The following CRYGN variants were observed in gnomAD, a reference collection of about 807,000 sequenced individuals.
CRYGN encodes crystallin gamma N.
CRYGN carries 17 observed loss-of-function variants against 19.2 expected under a neutral mutation model. The ratio of observed to expected loss-of-function variants is 0.89; its 90% CI spans 0.61 to 1.33. The LOEUF is 1.33. Among genes scored for constraint, CRYGN ranks in the 40% most tolerant of loss-of-function variants. The pLI, the probability that CRYGN is intolerant of heterozygous loss-of-function variation, is 0.00. For missense variants in CRYGN, 239 were observed against 239.6 expected, an observed-to-expected ratio of 1.00 and a Z score of 0.02; for synonymous variants, 84 against 85.8, an observed-to-expected ratio of 0.98 and a Z score of 0.12.
At position 151,433,305 on chromosome 7, in the gene CRYGN, G is replaced by A. The variant is rs539856670; in HGVS notation, c.416+2875C>T. Reference sequence around the variant, plus strand: ...GAAGGTGCGGTGGGGAGGGAACGGGGGACCAGGAGGAAGGGACTGGAGGTC... The same window carrying A: ...GAAGGTGCGGTGGGGAGGGAACGGGAGACCAGGAGGAAGGGACTGGAGGTC... On this transcript the variant is annotated intron_variant, in intron 3 of 3. Transcript: ENST00000337323. This position sits in a 1 kb window ranked among gnomAD's most constrained non-coding sequence, Gnocchi z 5.1. Among the ~76,000 whole-genome samples the A allele has an allele frequency of 1.1e-4, 17 of 152,352 alleles. No homozygotes were observed. In the South Asian group the frequency reaches 3.3e-3, roughly 30 times the overall value.
rs568979588 is a variant in CRYGN, at chr7:151,435,709, C to T, written c.416+471G>A. Reference sequence around the variant, plus strand: ...AGGGGTCAGCTCTGCGGGGTAGGCGCGGGGGCAGGGTGGGCTGGTCCACCC... The same window carrying T: ...AGGGGTCAGCTCTGCGGGGTAGGCGTGGGGGCAGGGTGGGCTGGTCCACCC... On this transcript the variant is annotated intron_variant, in intron 3 of 3. Transcript: ENST00000337323. The surrounding 1 kb of genome is among the most constrained non-coding windows in gnomAD (Gnocchi z 4.2). Among the ~76,000 whole-genome samples, 4 of 138,654 alleles carry T rather than the reference C, an allele frequency of 2.9e-5. No individual in the cohort carries two copies. The highest frequency in any genetic ancestry group is 5.3e-5 in the African/African-American group (2 of 37,894). 91.0% of individuals were successfully genotyped at this position (138,654 alleles called of 152,430 possible).
At position 151,440,134 on chromosome 7, in the gene CRYGN, C is replaced by T. The variant is rs1335448404; in HGVS notation, c.-217G>A. 1.5e-6 allele frequency: 2 copies of T among 1,328,320 alleles called. No individual in the cohort carries two copies. The highest frequency in any genetic ancestry group is 3.1e-5 in the East Asian group (1 of 32,540). The allele number at this position is 1,328,320 out of a possible 1,614,324, so 82.3% of individuals were successfully genotyped here. On this transcript the variant is annotated 5_prime_UTR_variant, in exon 1 of 4. Coordinates refer to ENST00000337323, the MANE Select transcript of CRYGN (RefSeq NM_144727.3). ...CCTGCCCGGGGTCTCCCTGTGCTCTCCGCGTTTAGCTCCCGAGCCTCCTTC... is the reference window on the plus strand; with the variant it reads ...CCTGCCCGGGGTCTCCCTGTGCTCTTCGCGTTTAGCTCCCGAGCCTCCTTC...
chr7:151,434,375 C>G (rs1390339428), intron 3 of CRYGN, among the ~76,000 whole-genome samples: 4 of 152,172 alleles, frequency 2.6e-5, no homozygotes, highest in Non-Finnish European at 5.9e-5. Flanking sequence ...ATGACTTGGG[C>G]CTTACAAGAC....
chr7:151,431,008 T>C lies in CRYGN; in HGVS notation c.417-828A>G, dbSNP rs1292064578. ...ACAGGCCATGTGGACATCTTTGGGGTCTCCATGTCCAGGAGCCCCCATGCT... is the reference window on the plus strand; with the variant it reads ...ACAGGCCATGTGGACATCTTTGGGGCCTCCATGTCCAGGAGCCCCCATGCT... On this transcript the variant is annotated intron_variant, in intron 3 of 3. Coordinates refer to ENST00000337323, the MANE Select transcript of CRYGN (RefSeq NM_144727.3). This position sits in a 1 kb window ranked among gnomAD's most constrained non-coding sequence, Gnocchi z 4.8. Among the ~76,000 whole-genome samples, 1 of 152,056 alleles carries C rather than the reference T, an allele frequency of 6.6e-6. No homozygotes were observed. The highest frequency in any genetic ancestry group is 1.5e-5 in the Non-Finnish European group (1 of 68,006).
chr7:151,436,309 C>T lies in CRYGN; in HGVS notation c.287G>A (p.Arg96His), dbSNP rs540427919. The T allele has an allele frequency of 1.6e-5, 25 of 1,578,670 alleles. No homozygotes were observed. Among genetic ancestry groups the T allele is most frequent in the South Asian group, 9.4e-5 (8 of 85,388 alleles). The change falls in exon 3 of 4, where the codon CGC (arginine) becomes CAC (histidine). Residue 96 changes from arginine to histidine, a missense_variant. Arg to His is a conservative substitution (Grantham distance 29). Coordinates refer to ENST00000337323, the MANE Select transcript of CRYGN (RefSeq NM_144727.3). The surrounding 1 kb of genome is among the most constrained non-coding windows in gnomAD (Gnocchi z 5.1). ...GTTGCAACCCTCGAAGATTTCTAGGCGGAAATGTTCTCCGTGCTCCAAGAC... is the reference window on the plus strand; with the variant it reads ...GTTGCAACCCTCGAAGATTTCTAGGTGGAAATGTTCTCCGTGCTCCAAGAC... The part of the protein sequence containing the change: ...RPVGMHGEHF[R>H]LEIFEGCNFT...
At position 151,430,012 on chromosome 7, in the gene CRYGN, G is replaced by A. The variant is rs375723445; in HGVS notation, c.*36C>T. On this transcript the variant is annotated 3_prime_UTR_variant, in exon 4 of 4. Transcript: ENST00000337323. This position sits in a 1 kb window ranked among gnomAD's most constrained non-coding sequence, Gnocchi z 5.2. ...GTAAACACTCTCCCGGCTCAGAAAC[G>A]GTGCAGGTGCATTTACATGTCAATC... The A allele has an allele frequency of 1.4e-4, 118 of 818,080 alleles. No individual in the cohort carries two copies. The highest frequency in any genetic ancestry group is 4.4e-4 in the Middle Eastern group (2 of 4,532). 50.7% of individuals were successfully genotyped at this position (818,080 alleles called of 1,614,324 possible).
chr7:151,439,662 C>A (rs549486739), intron 1 of CRYGN, among the ~76,000 whole-genome samples: 2 of 152,288 alleles, frequency 1.3e-5, no homozygotes, highest in South Asian at 4.1e-4. Flanking sequence ...CTGCTCCTGA[C>A]TGCAGGGCGA....
intron 3 of CRYGN, among the ~76,000 whole-genome samples, chr7:151,432,516 A>C (rs1801496186): frequency 6.6e-6 from 1 of 152,200 alleles, no homozygotes; most frequent in Admixed American, 6.5e-5. Context: ...AAAACTGACC[A>C]GTCCTGGCCG....
In CRYGN at chr7:151,431,196, G is replaced by T. The variant is rs1801454785; in HGVS notation, c.417-1016C>A. On this transcript the variant is annotated intron_variant, in intron 3 of 3. Transcript: ENST00000337323. This position sits in a 1 kb window ranked among gnomAD's most constrained non-coding sequence, Gnocchi z 4.8. Reference sequence around the variant, plus strand: ...AGGGAGTTACCTGGGCCACCCCCAGGGACCAGAGTTCCCCTCGTGGGACCT... The same window carrying T: ...AGGGAGTTACCTGGGCCACCCCCAGTGACCAGAGTTCCCCTCGTGGGACCT... 6.6e-6 allele frequency among the ~76,000 whole-genome samples: 1 copy of T among 152,192 alleles called. No homozygotes were observed. Among genetic ancestry groups the T allele is most frequent in the Non-Finnish European group, 1.5e-5 (1 of 68,024 alleles).
chr7:151,431,953 C>T lies in CRYGN; in HGVS notation c.417-1773G>A. The stretch of plus-strand genomic sequence containing the variant: ...CTCTCCCCTCCCTGGCCCAGGGGGT[C>T]CCTGGGAGTCCGGGAAAGCGCCCTG... On this transcript the variant is annotated intron_variant, in intron 3 of 3. Transcript: ENST00000337323. This position sits in a 1 kb window ranked among gnomAD's most constrained non-coding sequence, Gnocchi z 4.8. The T allele has an allele frequency of 2.7e-6, 1 of 365,138 alleles. No homozygotes were observed. The highest frequency in any genetic ancestry group is 3.9e-5 in the East Asian group (1 of 25,616). 22.6% of individuals were successfully genotyped at this position (365,138 alleles called of 1,614,324 possible). A position where few individuals can be genotyped will look rare whatever the true frequency, so the allele number is the denominator to read the frequency against.
chr7:151,439,831 T>C, intron 1 of CRYGN, 66 bp downstream of exon 1: 2 of 1,469,274 alleles, frequency 1.4e-6, no homozygotes, highest in Non-Finnish European at 9.2e-7. Flanking sequence ...CCCTCCTGCA[T>C]CCCCTAGCAC....
intron 3 of CRYGN, among the ~76,000 whole-genome samples, chr7:151,432,794 C>T (rs892590567): frequency 1.3e-5 from 2 of 152,162 alleles, no homozygotes; most frequent in African/African-American, 4.8e-5. Context: ...GGCAAGGATG[C>T]ACTCCCGCCA....
In CRYGN at chr7:151,436,976, T is replaced by C. The variant is rs1045008052; in HGVS notation, c.271-651A>G. 1.3e-5 allele frequency: 2 copies of C among 152,128 alleles called. No homozygotes were observed. The highest frequency in any genetic ancestry group is 4.8e-5 in the African/African-American group (2 of 41,408). The allele number at this position is 152,128 out of a possible 1,614,324, so 9.4% of individuals were successfully genotyped here. A position where few individuals can be genotyped will look rare whatever the true frequency, so the allele number is the denominator to read the frequency against. ...GGCAGGGCCTGGTCTGCGTCACAGC[T>C]GGCCCCAGGCTAGCTCTTAGGAGAA... On this transcript the variant is annotated intron_variant, in intron 2 of 3. Coordinates refer to ENST00000337323, the MANE Select transcript of CRYGN (RefSeq NM_144727.3). This position sits in a 1 kb window ranked among gnomAD's most constrained non-coding sequence, Gnocchi z 5.1.
In CRYGN at chr7:151,438,106, G is replaced by T. The variant is rs369218592; in HGVS notation, c.160C>A (p.His54Asn). The T allele has an allele frequency of 6.2e-7, 1 of 1,614,172 alleles. No homozygotes were observed. The highest frequency in any genetic ancestry group is 8.5e-7 in the Non-Finnish European group (1 of 1,180,050). Residue 54 changes from histidine (H) to asparagine (N), a missense_variant, in exon 2 of 4, where the codon CAC becomes AAC. Physicochemically the swap from His to Asn is moderately conservative, Grantham distance 68 (BLOSUM62 1). Coordinates refer to ENST00000337323, the MANE Select transcript of CRYGN (RefSeq NM_144727.3). The part of the protein sequence containing the change: ...VESGAWVCFN[H>N]PDFRGQQFIL... ...AACTGCTGGCCCCGGAAGTCGGGGT[G>T]ATTGAAGCAGACCCAGGCTCCGCTC...
rs1446678450 is a variant in CRYGN at position 151,433,595 on chromosome 7, TGGCC to T, written c.416+2581_416+2584del. 6.5e-6 allele frequency: 1 copy of T among 154,890 alleles called. No individual in the cohort carries two copies. The highest frequency in any genetic ancestry group is 1.5e-5 in the Non-Finnish European group (1 of 68,292). 9.6% of individuals were successfully genotyped at this position (154,890 alleles called of 1,614,324 possible). On this transcript the variant is annotated intron_variant, in intron 3 of 3. Coordinates refer to ENST00000337323, the MANE Select transcript of CRYGN (RefSeq NM_144727.3). This position sits in a 1 kb window ranked among gnomAD's most constrained non-coding sequence, Gnocchi z 5.1. ...TGGTCCAGCCTGGACCCCACCCTCA[TGGCC>T]CCCGTATCCATGCCCCTCCACACCT...
rs921034864 is a variant in CRYGN at position 151,431,972 on chromosome 7, C to G, written c.417-1792G>C. 2 of 379,948 alleles carry G rather than the reference C, an allele frequency of 5.3e-6. No homozygotes were observed. The highest frequency in any genetic ancestry group is 9.3e-6 in the Non-Finnish European group (2 of 214,858). 23.5% of individuals were successfully genotyped at this position (379,948 alleles called of 1,614,324 possible). Reference sequence around the variant, plus strand: ...GGGGGTCCCTGGGAGTCCGGGAAAGCGCCCTGGATCATCCAGCTCCTCCCA... The same window carrying G: ...GGGGGTCCCTGGGAGTCCGGGAAAGGGCCCTGGATCATCCAGCTCCTCCCA... On this transcript the variant is annotated intron_variant, in intron 3 of 3. Transcript: ENST00000337323. This position sits in a 1 kb window ranked among gnomAD's most constrained non-coding sequence, Gnocchi z 4.8.
At chr7:151,439,277 G>A (rs1327111806) in intron 1 of CRYGN, among the ~76,000 whole-genome samples, 1 of 152,214 alleles carries the variant, frequency 6.6e-6, no homozygotes, top group Admixed American at 6.5e-5. Context: ...CATGCAGACT[G>A]ATACAGCAAC....
In CRYGN at chr7:151,438,375, C is replaced by T. The variant is rs189993078; in HGVS notation, c.22-131G>A. ...CCCCCAAAAGCCCAGACCTGCTGCA[C>T]ACAGTAGGTGCCCAACACTATTTGC... is the stretch of plus-strand genomic sequence containing the variant. On this transcript the variant is annotated intron_variant, in intron 1 of 3. Coordinates refer to ENST00000337323, the MANE Select transcript of CRYGN (RefSeq NM_144727.3). 4.8e-4 allele frequency: 409 copies of T among 848,638 alleles called. 1 individual carries two copies. In the African/African-American group the frequency reaches 6.2e-3, roughly 13 times the overall value. 52.6% of individuals were successfully genotyped at this position (848,638 alleles called of 1,614,324 possible).
rs1047731763 is a variant in CRYGN at position 151,435,171 on chromosome 7, C to T, written c.416+1009G>A. On this transcript the variant is annotated intron_variant, in intron 3 of 3. Coordinates refer to ENST00000337323, the MANE Select transcript of CRYGN (RefSeq NM_144727.3). This position sits in a 1 kb window ranked among gnomAD's most constrained non-coding sequence, Gnocchi z 4.2. Reference sequence around the variant, plus strand: ...TGGCCTTGAACCTCTGTAGTATAGACGGCAAATTGTTCCTCAATTGCTTCG... The same window carrying T: ...TGGCCTTGAACCTCTGTAGTATAGATGGCAAATTGTTCCTCAATTGCTTCG... Among the ~76,000 whole-genome samples, 6 of 152,276 alleles carry T rather than the reference C, an allele frequency of 3.9e-5. No individual in the cohort carries two copies. Among genetic ancestry groups the T allele is most frequent in the Admixed American group, 1.3e-4 (2 of 15,298 alleles).
Sources: allele counts gnomAD v4.1 joint callset (sites outside exome capture counted in the v4.1 genomes callset), GRCh38; gene constraint gnomAD v4.1.1; non-coding constraint Gnocchi (gnomAD v3.1); transcripts MANE v1.5; gene names NCBI Gene and HGNC (gene_info 2026-07-23, HGNC 2026-07-21).